Variants in RASGRP1 observed in about 807,000 individuals in gnomAD.
RASGRP1 encodes RAS guanyl-releasing protein 1.
RASGRP1 carries 37 observed loss-of-function variants against 95.1 expected under a neutral mutation model. The observed-to-expected ratio is 0.39, with a 90% CI of 0.30 to 0.51. The LOEUF is 0.51. Ranked by LOEUF, RASGRP1 falls within the 20% of genes least tolerant of loss-of-function variation. RASGRP1 has a pLI of 0.80. For missense variants in RASGRP1, 711 were observed against 965.4 expected (o/e 0.74, Z 3.49); for synonymous variants, 325 against 353.4 (o/e 0.92, Z 0.90).
chr15:38,494,707 C>A lies in RASGRP1; in HGVS notation c.1934G>T (p.Ser645Ile). 1 of 1,521,854 alleles carries A rather than the reference C, an allele frequency of 6.6e-7. No individual in the cohort carries two copies. The highest frequency in any genetic ancestry group is 8.8e-7 in the Non-Finnish European group (1 of 1,138,520). 94.3% of individuals were successfully genotyped at this position (1,521,854 alleles called of 1,614,324 possible). ...NGEAVEHGEESKDRTIMLMGV... is the reference protein window; with the variant it reads ...NGEAVEHGEEIKDRTIMLMGV... The stretch of plus-strand genomic sequence containing the variant: ...CATCAGCATGATGGTCCGATCCTTA[C>A]TCTCCTCACCATGTTCCACAGCCTC... The change falls in exon 16 of 17, where the codon AGT becomes ATT. Residue 645 changes from serine to isoleucine, a missense_variant. By Grantham distance (142) the Ser-to-Ile change is moderately radical (BLOSUM62 -2). Transcript: ENST00000310803.
chr15:38,528,635 G>C (rs1892324340), intron 2 of RASGRP1, among the ~76,000 whole-genome samples: 1 of 152,018 alleles, frequency 6.6e-6, no homozygotes, highest in Non-Finnish European at 1.5e-5. Context: ...ATGTCAGCAT[G>C]CTCTGTGGTT....
intron 15 of RASGRP1, among the ~76,000 whole-genome samples, chr15:38,496,592 G>A (rs1284468142): frequency 6.6e-6 from 1 of 152,148 alleles, no homozygotes; most frequent in African/African-American, 2.4e-5. Flanking sequence ...TTTTCACAAT[G>A]GTGTTTGTGA....
chr15:38,528,593 T>C (rs1376152005), intron 2 of RASGRP1, among the ~76,000 whole-genome samples: 2 of 152,186 alleles, frequency 1.3e-5, no homozygotes, highest in Admixed American at 6.5e-5. Flanking sequence ...CAGGCTCTTC[T>C]TCTGTCTCCT....
intron 3 of RASGRP1, among the ~76,000 whole-genome samples, 197 bp from the exon 4 acceptor site, chr15:38,519,568 G>A (rs972198909): frequency 9.9e-5 from 15 of 152,260 alleles, no homozygotes; most frequent in East Asian, 5.8e-4. Flanking sequence ...CTAGAAAGGC[G>A]ATGATGGTAA....
rs565339604 is a variant in RASGRP1, at chr15:38,542,066, T to A, written c.221-15662A>T. On this transcript the variant is annotated intron_variant, in intron 2 of 16. Coordinates refer to ENST00000310803, the MANE Select transcript of RASGRP1 (RefSeq NM_005739.4). ...CTGGGGTGGCAGCTTACCCATTAGG[T>A]GCCTATAATCCCAGCACTCTGGGAG... is the stretch of plus-strand genomic sequence containing the variant. Among the ~76,000 whole-genome samples the A allele has an allele frequency of 6.6e-5, 10 of 152,212 alleles. No homozygotes were observed. In the South Asian group the frequency reaches 1.9e-3, roughly 28 times the overall value.
chr15:38,518,198 G>C, intron 5 of RASGRP1, 94 bp downstream of exon 5: 1 of 1,224,752 alleles, frequency 8.2e-7, no homozygotes, highest in South Asian at 1.4e-5. Context: ...GAGAGCAGCA[G>C]TCACCGCTGG....
At chr15:38,491,165 T>G (rs777384183) in intron 16 of RASGRP1, among the ~76,000 whole-genome samples, 1 of 152,192 alleles carries the variant, frequency 6.6e-6, no homozygotes, top group Non-Finnish European at 1.5e-5. Flanking sequence ...TAAGTTGAGA[T>G]TTAGTGGTCT....
At chr15:38,526,678 T>G (rs1366596910) in intron 2 of RASGRP1, among the ~76,000 whole-genome samples, 1 of 152,130 alleles carries the variant, frequency 6.6e-6, no homozygotes, top group East Asian at 1.9e-4. Context: ...CACTTGAGTC[T>G]CACTGAAAGC....
chr15:38,510,555 G>A lies in RASGRP1; in HGVS notation c.966+1049C>T, dbSNP rs532133682. Among the ~76,000 whole-genome samples, 8 of 152,324 alleles carry A rather than the reference G, an allele frequency of 5.3e-5. No homozygotes were observed. The South Asian group carries it at 6.2e-4, about 12-fold the overall frequency. On this transcript the variant is annotated intron_variant, in intron 8 of 16. Transcript: ENST00000310803. ...CTCTCCATGCTAGTTTGGAAGGATT[G>A]GGGCTTGAGTATAGTAAGGTCCTCT...
At chr15:38,515,788 CT>C (rs1242778071) in intron 6 of RASGRP1, among the ~76,000 whole-genome samples, 502 of 134,778 alleles carry the variant, frequency 3.7e-3, no homozygotes, top group African/African-American at 9.3e-3. Flanking sequence ...ACCCCCCCCC[CT>C]TTTTTTTTTT....
chr15:38,501,130 A>C lies in RASGRP1; in HGVS notation c.1683+13T>G, dbSNP rs1458962181. ...CCCAAATTCAGCCCTGGAGCACCCT[A>C]AGAACAACTTACAAATCCAGCACAG... is the stretch of plus-strand genomic sequence containing the variant. On this transcript the variant is annotated intron_variant, in intron 13 of 16. Coordinates refer to ENST00000310803, the MANE Select transcript of RASGRP1 (RefSeq NM_005739.4). 1 of 1,585,976 alleles carries C rather than the reference A, an allele frequency of 6.3e-7. No individual in the cohort carries two copies. Among genetic ancestry groups the C allele is most frequent in the East Asian group, 2.2e-5 (1 of 44,812 alleles).
At chr15:38,514,384 T>C (rs962462057) in intron 6 of RASGRP1, among the ~76,000 whole-genome samples, 1 of 152,206 alleles carries the variant, frequency 6.6e-6, no homozygotes, top group African/African-American at 2.4e-5. Flanking sequence ...ATTCAATTAA[T>C]ATATTCCAGT....
intron 8 of RASGRP1, among the ~76,000 whole-genome samples, chr15:38,509,048 A>G (rs1343930296): frequency 6.6e-6 from 1 of 151,792 alleles, no homozygotes; most frequent in African/African-American, 2.4e-5. Context: ...CACTGTGGCC[A>G]TAACTTTTTG....
chr15:38,564,642 G>A lies in RASGRP1; in HGVS notation c.-14C>T. 3.0e-6 allele frequency: 4 copies of A among 1,325,584 alleles called. No individual in the cohort carries two copies. Among genetic ancestry groups the A allele is most frequent in the Non-Finnish European group, 1.9e-6 (2 of 1,030,728 alleles). The allele number at this position is 1,325,584 out of a possible 1,614,324, so 82.1% of individuals were successfully genotyped here. On this transcript the variant is annotated 5_prime_UTR_variant, in exon 1 of 17. Transcript: ENST00000310803. ...CAGGGTGCCCATGGCCGCGGCCCGCGCTCCCGGTGCCGGCTCACCTAGCGC... is the reference window on the plus strand; with the variant it reads ...CAGGGTGCCCATGGCCGCGGCCCGCACTCCCGGTGCCGGCTCACCTAGCGC...
chr15:38,553,949 T>C (rs1893439292), intron 2 of RASGRP1, among the ~76,000 whole-genome samples: 1 of 152,190 alleles, frequency 6.6e-6, no homozygotes, highest in Non-Finnish European at 1.5e-5. Flanking sequence ...TCCTAGGATG[T>C]CTGAGAAAAA....
intron 10 of RASGRP1, chr15:38,504,562 T>C (rs1000464565): frequency 6.6e-6 from 1 of 152,156 alleles, no homozygotes; most frequent in Non-Finnish European, 1.5e-5. Context: ...TGGAAGGTCT[T>C]TAGGGGCAAT....
chr15:38,507,663 G>T, intron 9 of RASGRP1, 63 bp downstream of exon 9: 1 of 1,494,100 alleles, frequency 6.7e-7, no homozygotes, highest in Non-Finnish European at 9.0e-7. Context: ...TTTGGTAAGG[G>T]GTATAGAATG....
intron 6 of RASGRP1, among the ~76,000 whole-genome samples, chr15:38,514,750 C>T (rs1196970722): frequency 2.0e-5 from 3 of 152,190 alleles, no homozygotes; most frequent in Non-Finnish European, 4.4e-5. Context: ...CCTCGTTCTG[C>T]ACTGATTTTT....
intron 3 of RASGRP1, among the ~76,000 whole-genome samples, chr15:38,525,250 G>C (rs1406063712): frequency 6.6e-6 from 1 of 152,136 alleles, no homozygotes; most frequent in African/African-American, 2.4e-5. Context: ...TTACAGATGT[G>C]AGCTACTGTG....
Sources: allele counts gnomAD v4.1 joint callset (sites outside exome capture counted in the v4.1 genomes callset), GRCh38; gene constraint gnomAD v4.1.1; transcripts MANE v1.5; gene names NCBI Gene and HGNC (gene_info 2026-07-23, HGNC 2026-07-21).